The following STK32B variants were observed in gnomAD, a reference collection of about 807,000 sequenced individuals.
STK32B encodes serine/threonine kinase 32B.
Under a neutral mutation model 52.6 loss-of-function variants are expected in STK32B, and 43 were observed. That is an observed-to-expected ratio of 0.82 (90% CI 0.64 to 1.05). The LOEUF (loss-of-function observed/expected upper bound fraction) is 1.05, where lower values mean the gene tolerates loss of function less well. STK32B is among the 50% of genes least tolerant of loss of function. The probability of loss-of-function intolerance (pLI) is 0.00; values close to 1 mark genes in which losing one functional copy is unlikely to be tolerated. For missense variants in STK32B, 621 were observed against 534.6 expected (o/e 1.16, Z -1.59); for synonymous variants, 238 against 204.3 (o/e 1.17, Z -1.41).
intron 3 of STK32B, among the ~76,000 whole-genome samples, chr4:5,197,686 T>A (rs1721796579): frequency 6.6e-6 from 1 of 152,264 alleles, no homozygotes; most frequent in Non-Finnish European, 1.5e-5. Flanking sequence ...GTTATACCTC[T>A]TAACTAGTTC....
chr4:5,030,775 C>G, the STK32B span, among the ~76,000 whole-genome samples: 1 of 152,004 alleles, frequency 6.6e-6, no homozygotes, highest in East Asian at 1.9e-4. Context: ...ACGAGGGACT[C>G]AATACATATT....
intron 11 of STK32B, among the ~76,000 whole-genome samples, chr4:5,489,044 TTGTC>T (rs1258412099): frequency 6.9e-6 from 1 of 144,956 alleles, no homozygotes; most frequent in African/African-American, 2.4e-5. Context: ...AGATCTTTAA[TTGTC>T]TGTCATGTAT....
intron 11 of STK32B, among the ~76,000 whole-genome samples, chr4:5,495,198 C>CACTT (rs1560095793): frequency 6.6e-6 from 1 of 152,196 alleles, no homozygotes. Context: ...TTTTCCCTGT[C>CACTT]ACTTTCAGGT....
chr4:5,324,736 G>A (rs1731759938), intron 3 of STK32B, among the ~76,000 whole-genome samples: 1 of 151,954 alleles, frequency 6.6e-6, no homozygotes, highest in South Asian at 2.1e-4. Flanking sequence ...ACTATGCTGA[G>A]AAGTGAGTGA....
chr4:5,060,879 A>C (rs1313884867), intron 1 of STK32B, among the ~76,000 whole-genome samples: 1 of 152,124 alleles, frequency 6.6e-6, no homozygotes, highest in Non-Finnish European at 1.5e-5. Flanking sequence ...GACAGCTGCC[A>C]GTTCTATTTT....
chr4:5,102,472 CCTTCCTTCCTTCCTTCCT>C (rs1713847090), intron 1 of STK32B, among the ~76,000 whole-genome samples: 1 of 133,632 alleles, frequency 7.5e-6, no homozygotes, highest in Non-Finnish European at 1.6e-5. Context: ...TTCCTTCCTT[CCTTCCTTCCTTCCTTCCT>C]TCCCTCCCTC....
chr4:5,438,194 T>A, intron 6 of STK32B: 2 of 923,164 alleles, frequency 2.2e-6, no homozygotes, highest in Non-Finnish European at 2.6e-6. Context: ...TCTCAAGCCC[T>A]CAGGACTGAG....
intron 1 of STK32B, among the ~76,000 whole-genome samples, chr4:5,068,251 A>G (rs928361600): frequency 6.6e-6 from 1 of 152,084 alleles, no homozygotes; most frequent in Non-Finnish European, 1.5e-5. Context: ...ATTGTACCCA[A>G]TGTGTAGTTT....
At chr4:5,343,136 T>G (rs1440763117) in intron 4 of STK32B, among the ~76,000 whole-genome samples, 1 of 132,600 alleles carries the variant, frequency 7.5e-6, no homozygotes, top group Non-Finnish European at 1.6e-5. Flanking sequence ...TGTGTGATAT[T>G]CCCCTTCCTG....
intron 1 of STK32B, among the ~76,000 whole-genome samples, chr4:5,088,550 A>G (rs773606462): frequency 1.3e-5 from 2 of 152,124 alleles, no homozygotes; most frequent in Non-Finnish European, 2.9e-5. Context: ...ATTTGATCGT[A>G]CAATAGGATG....
intron 11 of STK32B, among the ~76,000 whole-genome samples, chr4:5,480,927 G>T (rs1718646942): frequency 6.6e-6 from 1 of 152,024 alleles, no homozygotes; most frequent in Admixed American, 6.6e-5. Context: ...ATTTTTTATG[G>T]CTGCATAGTA....
intron 3 of STK32B, among the ~76,000 whole-genome samples, chr4:5,274,400 G>A (rs1035344142): frequency 2.6e-5 from 4 of 152,102 alleles, no homozygotes; most frequent in Non-Finnish European, 5.9e-5. Context: ...GGTAGGGTGG[G>A]ACAGACCATA....
chr4:5,495,907 G>A (rs372902276), intron 11 of STK32B, among the ~76,000 whole-genome samples: 40 of 152,156 alleles, frequency 2.6e-4, no homozygotes, highest in Admixed American at 1.8e-3. Flanking sequence ...CCTGAACTGC[G>A]AATGCTGCTC....
intron 3 of STK32B, among the ~76,000 whole-genome samples, chr4:5,235,850 G>T (rs558206638): frequency 6.6e-6 from 1 of 152,344 alleles, no homozygotes; most frequent in African/African-American, 2.4e-5. Context: ...GGACAGAGAA[G>T]CCTGTAGACA....
chr4:5,078,368 G>A (rs1712208629), intron 1 of STK32B, among the ~76,000 whole-genome samples: 1 of 152,136 alleles, frequency 6.6e-6, no homozygotes. Context: ...GCTAGGGTCT[G>A]TTAGCCTGAA....
At chr4:5,228,012 C>T (rs1426995866) in intron 3 of STK32B, among the ~76,000 whole-genome samples, 2 of 152,076 alleles carry the variant, frequency 1.3e-5, no homozygotes, top group Non-Finnish European at 2.9e-5. Context: ...GATCCAGTAT[C>T]TGGGAGAACA....
At chr4:5,338,082 A>G (rs1383303328) in intron 4 of STK32B, among the ~76,000 whole-genome samples, 1 of 152,186 alleles carries the variant, frequency 6.6e-6, no homozygotes, top group Non-Finnish European at 1.5e-5. Flanking sequence ...GTGGATAGAG[A>G]AGGATAAATG....
chr4:5,397,201 A>G (rs991941345), intron 4 of STK32B, among the ~76,000 whole-genome samples: 1 of 152,232 alleles, frequency 6.6e-6, no homozygotes, highest in Non-Finnish European at 1.5e-5. Flanking sequence ...TAGATTTGAC[A>G]TTAGTTATAA....
intron 1 of STK32B, among the ~76,000 whole-genome samples, chr4:5,062,852 A>G (rs1027729569): frequency 1.3e-5 from 2 of 152,000 alleles, no homozygotes; most frequent in Admixed American, 1.3e-4. Context: ...AGCATGTTTT[A>G]TGTGTTTTTG....
Sources: gnomAD v4.1 joint callset for allele counts (sites outside exome capture counted in the v4.1 genomes callset) on GRCh38, gnomAD v4.1.1 for gene constraint, MANE v1.5 for transcripts, NCBI Gene and HGNC (gene_info 2026-07-23, HGNC 2026-07-21) for gene names.